The following MYH11 variants were observed in gnomAD, a reference collection of about 807,000 sequenced individuals.
MYH11 encodes myosin-11.
MYH11 carries 80 observed loss-of-function variants against 246.6 expected under a neutral mutation model. That is an observed-to-expected ratio of 0.32 (90% CI 0.27 to 0.39). MYH11 has a LOEUF of 0.39. MYH11 is among the 10% of genes least tolerant of loss of function. The pLI, the probability that MYH11 is intolerant of heterozygous loss-of-function variation, is 1.00. For synonymous variants in MYH11, 1,071 were observed against 1,015.5 expected, an observed-to-expected ratio of 1.05 and a Z score of -1.04; for missense variants, 2,158 against 2,546.8, an observed-to-expected ratio of 0.85 and a Z score of 3.29.
Position 15,704,006 on chromosome 16 carries a change from G to A in MYH11, c.5904C>T (p.Thr1968=). Reference sequence around the variant, plus strand: ...AGAAAGTTGCTTATTCACTGGCCTTGGTTCCATTGAAGTCTGCGTCTCGAG... The same window carrying A: ...AGAAAGTTGCTTATTCACTGGCCTTAGTTCCATTGAAGTCTGCGTCTCGAG... ...TDTRDADFNG[T]KASE is the part of the protein sequence containing the mutation. The change falls in exon 41 of 41, where the codon ACC becomes ACT. Residue 1968 remains threonine, a synonymous_variant. Coordinates refer to ENST00000300036, the MANE Select transcript of MYH11 (RefSeq NM_002474.3). 1 of 1,613,980 alleles carries A rather than the reference G, an allele frequency of 6.2e-7. No individual in the cohort carries two copies. Among genetic ancestry groups the A allele is most frequent in the Non-Finnish European group, 8.5e-7 (1 of 1,179,984 alleles).
intron 2 of MYH11, among the ~76,000 whole-genome samples, chr16:15,833,177 T>TA (rs1336716707): frequency 3.3e-5 from 5 of 151,518 alleles, no homozygotes; most frequent in African/African-American, 4.9e-5. Flanking sequence ...TACATGCCTG[T>TA]AGTCCCAGCT....
intron 38 of MYH11, among the ~76,000 whole-genome samples, 167 bp from the exon 39 acceptor site, chr16:15,715,439 A>G (rs1030814240): frequency 4.6e-5 from 7 of 152,188 alleles, no homozygotes; most frequent in Admixed American, 2.0e-4. Context: ...AAAGGAATAA[A>G]GTATCAATGC....
At chr16:15,741,130 C>G (rs2041260206) in intron 22 of MYH11, 1 of 453,600 alleles carries the variant, frequency 2.2e-6, no homozygotes, top group Non-Finnish European at 4.1e-6. Context: ...TCTCAAATTC[C>G]TGACTATGCA....
At chr16:15,740,750 GGA>G (rs1240323175) in intron 22 of MYH11, among the ~76,000 whole-genome samples, 2 of 152,170 alleles carry the variant, frequency 1.3e-5, no homozygotes, top group African/African-American at 4.8e-5. Flanking sequence ...CCAAAAAGGT[GGA>G]GCCTAATTCT....
chr16:15,723,024 G>A (rs11641598), intron 31 of MYH11, among the ~76,000 whole-genome samples: 17,522 of 152,154 alleles, frequency 0.12, 1,364 homozygotes, highest in Non-Finnish European at 0.16. Context: ...GATTACAGGC[G>A]TGAGCCACCG....
At chr16:15,764,639 T>G (rs950591192) in intron 9 of MYH11, among the ~76,000 whole-genome samples, 1 of 152,132 alleles carries the variant, frequency 6.6e-6, no homozygotes, top group Non-Finnish European at 1.5e-5. Flanking sequence ...TGATTATCCT[T>G]AATTGAGGGA....
rs754307089 is a variant in MYH11, at chr16:15,721,531, C to T, written c.4469G>A (p.Arg1490Gln). The T allele has an allele frequency of 5.6e-6, 9 of 1,614,184 alleles. No individual in the cohort carries two copies. The South Asian group carries it at 6.6e-5, about 12-fold the overall frequency. Reference sequence around the variant, plus strand: ...GGCTTCCAAGGCCTCTTCAAGGGCCCGAGCCAGGGACAGGGCCTTGGTTTC... The same window carrying T: ...GGCTTCCAAGGCCTCTTCAAGGGCCTGAGCCAGGGACAGGGCCTTGGTTTC... ...EKETKALSLA[R>Q]ALEEALEAKE... Residue 1490 changes from arginine (R) to glutamine (Q), a missense_variant, in exon 32 of 41, where the codon CGG (arginine) becomes CAG (glutamine). Arg to Gln is a conservative substitution (Grantham distance 43). Transcript: ENST00000300036.
intron 3 of MYH11, among the ~76,000 whole-genome samples, chr16:15,804,252 C>T (rs2042956624): frequency 6.6e-6 from 1 of 152,106 alleles, no homozygotes; most frequent in Non-Finnish European, 1.5e-5. Flanking sequence ...TAATTCAAGC[C>T]AGGTGCGGTG....
intron 2 of MYH11, among the ~76,000 whole-genome samples, chr16:15,827,973 G>A (rs2043616772): frequency 6.6e-6 from 1 of 152,124 alleles, no homozygotes; most frequent in Admixed American, 6.6e-5. Context: ...GCTCCTCTGG[G>A]GCCATGTCCA....
intron 3 of MYH11, among the ~76,000 whole-genome samples, chr16:15,806,670 A>G (rs935669812): frequency 1.3e-5 from 2 of 152,334 alleles, no homozygotes; most frequent in East Asian, 3.9e-4. Context: ...GAATGATTAT[A>G]AATCTGACTT....
chr16:15,714,550 C>T (rs369697434), intron 40 of MYH11: 6 of 406,672 alleles, frequency 1.5e-5, no homozygotes, highest in African/African-American at 1.0e-4. Flanking sequence ...GGTGAAGTGG[C>T]GGGGGGTGGT....
intron 2 of MYH11, among the ~76,000 whole-genome samples, chr16:15,832,699 A>G (rs1567207614): frequency 6.6e-6 from 1 of 152,150 alleles, no homozygotes; most frequent in African/African-American, 2.4e-5. Flanking sequence ...TAAAAGGTTC[A>G]ATTCCTTCTT....
intron 2 of MYH11, among the ~76,000 whole-genome samples, chr16:15,830,566 G>A (rs1277893058): frequency 6.6e-6 from 1 of 152,132 alleles, no homozygotes; most frequent in Non-Finnish European, 1.5e-5. Context: ...GGCTCTCTAT[G>A]TGGCTGCATG....
At position 15,720,869 on chromosome 16, in the gene MYH11, A is replaced by G. The variant is rs376132003; in HGVS notation, c.4761T>C (p.Asn1587=). The change falls in exon 33 of 41, where the codon AAT becomes AAC. Residue 1587 remains asparagine (N), a synonymous_variant. Coordinates refer to ENST00000300036, the MANE Select transcript of MYH11 (RefSeq NM_002474.3). ...TCTGCAGTTGCCTCCTCTTCTCCTC[A>G]TTCTGCTCGTCCCGGGCTTGGAGAT... ...ERDLQARDEQ[N]EEKRRQLQRQ... is the part of the protein sequence containing the mutation. The G allele has an allele frequency of 2.7e-5, 44 of 1,613,644 alleles. 1 individual carries two copies. Among genetic ancestry groups the G allele is most frequent in the South Asian group, 5.5e-5 (5 of 91,068 alleles).
rs574762443 is a variant in MYH11 at position 15,801,877 on chromosome 16, A to C, written c.503-3190T>G. ...GAGGCTGAGGCAGGAGAATCACTTC[A>C]ACCCAGGAGGTGGAGGTTGCAGTGA... On this transcript the variant is annotated intron_variant, in intron 3 of 40. Coordinates refer to ENST00000300036, the MANE Select transcript of MYH11 (RefSeq NM_002474.3). Among the ~76,000 whole-genome samples, 5 of 152,164 alleles carry C rather than the reference A, an allele frequency of 3.3e-5. No homozygotes were observed. The East Asian group carries it at 9.7e-4, about 29-fold the overall frequency.
At chr16:15,823,520 C>A in intron 2 of MYH11, 109 bp from the exon 3 acceptor site, 1 of 1,392,542 alleles carries the variant, frequency 7.2e-7, no homozygotes, top group African/African-American at 1.4e-5. Flanking sequence ...AGCTTGGAGT[C>A]TTAGTGGAAA....
intron 2 of MYH11, among the ~76,000 whole-genome samples, chr16:15,825,856 C>T (rs2043550090): frequency 6.6e-6 from 1 of 152,042 alleles, no homozygotes; most frequent in African/African-American, 2.4e-5. Context: ...CAACCCGTCT[C>T]ACAGGAACTG....
intron 1 of MYH11, among the ~76,000 whole-genome samples, chr16:15,846,412 C>T (rs529907906): frequency 4.6e-5 from 7 of 152,248 alleles, no homozygotes; most frequent in Middle Eastern, 3.4e-3. Flanking sequence ...AATTAATCTA[C>T]GGTGATAGAA....
At chr16:15,747,483 G>A (rs2041449486) in intron 19 of MYH11, 87 bp downstream of exon 19, 1 of 1,486,962 alleles carries the variant, frequency 6.7e-7, no homozygotes, top group African/African-American at 1.4e-5. Flanking sequence ...TTAAACAGGT[G>A]GCCTCTTAGA....
Sources: allele counts gnomAD v4.1 joint callset (sites outside exome capture counted in the v4.1 genomes callset), GRCh38; gene constraint gnomAD v4.1.1; transcripts MANE v1.5; gene names NCBI Gene and HGNC (gene_info 2026-07-23, HGNC 2026-07-21).